KIAA1217: variants seen among roughly 807,000 people sequenced by gnomAD.
KIAA1217 encodes KIAA1217, also known as sickle tail protein homolog.
Under a neutral mutation model 163.9 loss-of-function variants are expected in KIAA1217, and 88 were observed. That is an observed-to-expected ratio of 0.54 (90% CI 0.45 to 0.64). The LOEUF (loss-of-function observed/expected upper bound fraction) is 0.64. Ranked by LOEUF, KIAA1217 falls within the 30% of genes least tolerant of loss-of-function variation. The probability of loss-of-function intolerance (pLI) is 0.00; values close to 1 mark genes in which losing one functional copy is unlikely to be tolerated. For missense variants in KIAA1217, 2,372 were observed against 2,475.0 expected (o/e 0.96, Z 0.88); for synonymous variants, 903 against 923.1 (o/e 0.98, Z 0.39).
intron 3 of KIAA1217, among the ~76,000 whole-genome samples, chr10:24,417,682 A>G (rs1221463495): frequency 6.6e-6 from 1 of 152,086 alleles, no homozygotes; most frequent in Non-Finnish European, 1.5e-5. Flanking sequence ...GAGTGAGGAA[A>G]AGGAAGAGGT....
chr10:24,330,410 A>G (rs2133530849), intron 2 of KIAA1217, among the ~76,000 whole-genome samples: 2 of 152,246 alleles, frequency 1.3e-5, no homozygotes, highest in South Asian at 4.1e-4. Flanking sequence ...AAAGGAGATC[A>G]TTAGACAGAA....
chr10:24,050,301 T>C (rs1222435694), intron 2 of KIAA1217, among the ~76,000 whole-genome samples: 1 of 152,226 alleles, frequency 6.6e-6, no homozygotes, highest in Non-Finnish European at 1.5e-5. Flanking sequence ...CAGAAGCTCT[T>C]TAATTTAATT....
chr10:24,130,403 G>T (rs2063611576), intron 2 of KIAA1217, among the ~76,000 whole-genome samples: 1 of 152,154 alleles, frequency 6.6e-6, no homozygotes, highest in Non-Finnish European at 1.5e-5. Flanking sequence ...CCAGATTATA[G>T]GCTATTTTAA....
At chr10:24,392,918 C>A (rs1182447890) in intron 3 of KIAA1217, among the ~76,000 whole-genome samples, 1 of 152,078 alleles carries the variant, frequency 6.6e-6, no homozygotes, top group African/African-American at 2.4e-5. Flanking sequence ...TTCATAAATG[C>A]AAAATATATT....
chr10:24,208,205 C>G (rs2067673918), upstream of KIAA1217, among the ~76,000 whole-genome samples: 1 of 148,668 alleles, frequency 6.7e-6, no homozygotes, highest in Admixed American at 6.8e-5. Flanking sequence ...GGGTAAAGAA[C>G]AAAATAAATA....
chr10:23,918,733 T>TATATATATATACACACAC (rs769797460), intron 1 of KIAA1217, among the ~76,000 whole-genome samples: 2 of 147,478 alleles, frequency 1.4e-5, no homozygotes, highest in African/African-American at 5.0e-5. Flanking sequence ...ATTAAATATA[T>TATATATATATACACACAC]ACACACACAC....
chr10:23,928,096 G>C (rs1843103815), intron 1 of KIAA1217, among the ~76,000 whole-genome samples: 1 of 152,142 alleles, frequency 6.6e-6, no homozygotes, highest in African/African-American at 2.4e-5. Context: ...ACCTCTGTAG[G>C]CTTGGCTGGC....
chr10:23,850,268 C>A (rs1391205977), intron 1 of KIAA1217, among the ~76,000 whole-genome samples: 1 of 152,124 alleles, frequency 6.6e-6, no homozygotes, highest in Non-Finnish European at 1.5e-5. Context: ...GCTGGGCTGG[C>A]CATTACAGGC....
Position 24,199,614 on chromosome 10 carries a change from G to C in KIAA1217, c.-170-20012G>C, listed in dbSNP as rs982633381. 2.6e-5 allele frequency among the ~76,000 whole-genome samples: 4 copies of C among 152,158 alleles called. No homozygotes were observed. The East Asian group carries it at 7.7e-4, about 29-fold the overall frequency. ...CTTTCCCCAAATTCAGCCTACAGTT[G>C]ACTGTTTTATGTGCAACCAATGGCA... On this transcript the variant is annotated intron_variant, in intron 2 of 18. Transcript: ENST00000376462.
At position 23,935,927 on chromosome 10, in the gene KIAA1217, A is replaced by C. The variant is rs184229399; in HGVS notation, c.-320-71298A>C. The stretch of plus-strand genomic sequence containing the variant: ...TGGCACATACACATTATGATAATCT[A>C]GATGGTTTGATAATAAAGGTCCTGA... On this transcript the variant is annotated intron_variant, in intron 1 of 18. Coordinates refer to the KIAA1217 transcript ENST00000376462. 1.5e-4 allele frequency among the ~76,000 whole-genome samples: 23 copies of C among 152,298 alleles called. 1 individual carries two copies. The East Asian group carries it at 4.4e-3, about 29-fold the overall frequency.
At chr10:24,304,814 C>T (rs2041824373) in intron 2 of KIAA1217, among the ~76,000 whole-genome samples, 1 of 152,062 alleles carries the variant, frequency 6.6e-6, no homozygotes, top group Admixed American at 6.6e-5. Context: ...TACAAGAGCA[C>T]ATGTGTAGTT....
chr10:24,458,112 G>T (rs2061993628), intron 5 of KIAA1217, among the ~76,000 whole-genome samples: 2 of 152,342 alleles, frequency 1.3e-5, no homozygotes, highest in South Asian at 2.1e-4. Flanking sequence ...GCATGGCAGG[G>T]CGTGGGCAGA....
At chr10:24,059,675 T>TAA (rs1485560159) in intron 2 of KIAA1217, among the ~76,000 whole-genome samples, 1 of 152,144 alleles carries the variant, frequency 6.6e-6, no homozygotes, top group African/African-American at 2.4e-5. Context: ...CCTTTCGGGT[T>TAA]CACGCCATTG....
intron 1 of KIAA1217, among the ~76,000 whole-genome samples, chr10:23,783,801 T>C (rs1475980346): frequency 1.3e-5 from 2 of 152,110 alleles, no homozygotes; most frequent in Admixed American, 6.6e-5. Context: ...AGGTTGTGTG[T>C]TCCTAAGAAT....
Position 24,380,990 on chromosome 10 carries a change from C to G in KIAA1217, c.476C>G (p.Pro159Arg), listed in dbSNP as rs1465497795. Residue 159 changes from proline (P) to arginine (R), a missense_variant, in exon 3 of 21, where the codon CCT becomes CGT. This residue lies in a region of KIAA1217 where 1,431 missense variants were observed against 1,470.3 expected (regional missense o/e 0.97). Coordinates refer to ENST00000376454, the MANE Select transcript of KIAA1217 (RefSeq NM_019590.5). ...EAMSEGDAPT[P>R]FSRGSRTRAS... ...ATGTCTGAGGGGGATGCTCCAACCCCTTTTTCCAGAGGCAGCCGGACTCGT... is the reference window on the plus strand; with the variant it reads ...ATGTCTGAGGGGGATGCTCCAACCCGTTTTTCCAGAGGCAGCCGGACTCGT... 3 of 1,608,772 alleles carry G rather than the reference C, an allele frequency of 1.9e-6. No individual in the cohort carries two copies. The highest frequency in any genetic ancestry group is 1.1e-5 in the South Asian group (1 of 90,308).
intron 3 of KIAA1217, among the ~76,000 whole-genome samples, chr10:24,384,991 G>A (rs1414143142): frequency 6.6e-6 from 1 of 152,188 alleles, no homozygotes; most frequent in Non-Finnish European, 1.5e-5. Flanking sequence ...GTTACTGCCA[G>A]CCCCCAGCCA....
At chr10:23,755,753 A>G (rs1459144867) in intron 1 of KIAA1217, among the ~76,000 whole-genome samples, 5 of 152,164 alleles carry the variant, frequency 3.3e-5, no homozygotes, top group African/African-American at 1.2e-4. Flanking sequence ...CCTGCTGAAC[A>G]GGTTGCGAGC....
intron 1 of KIAA1217, among the ~76,000 whole-genome samples, chr10:23,984,742 T>A: frequency 6.8e-6 from 1 of 148,036 alleles, no homozygotes; most frequent in Non-Finnish European, 1.5e-5. Flanking sequence ...GAGGGGAACA[T>A]CACACACTGG....
chr10:24,541,067 C>A (rs760158559), intron 17 of KIAA1217, among the ~76,000 whole-genome samples: 4 of 151,694 alleles, frequency 2.6e-5, no homozygotes, highest in Non-Finnish European at 5.9e-5. Context: ...CTACACATAG[C>A]CTATTTTTAT....
Sources: gnomAD v4.1 joint callset for allele counts (sites outside exome capture counted in the v4.1 genomes callset) on GRCh38, gnomAD v4.1.1 for gene constraint, gnomAD v4.1.1 regional missense constraint, MANE v1.5 for transcripts, NCBI Gene and HGNC (gene_info 2026-07-23, HGNC 2026-07-21) for gene names.